Variants in DIAPH1 observed in about 807,000 individuals in gnomAD.
DIAPH1 encodes the protein diaphanous related formin 1, also known as protein diaphanous homolog 1.
In DIAPH1, 46 loss-of-function variants were observed where a neutral mutation model predicts 140.7. That is an observed-to-expected ratio of 0.33 (90% CI 0.26 to 0.42). DIAPH1 has a LOEUF of 0.42. DIAPH1 is among the 10% of genes least tolerant of loss of function. DIAPH1 has a pLI of 1.00. For missense variants in DIAPH1, 1,310 were observed against 1,558.7 expected, an observed-to-expected ratio of 0.84 and a Z score of 2.69; for synonymous variants, 565 against 551.6, an observed-to-expected ratio of 1.02 and a Z score of -0.34.
At chr5:141,523,198 C>A (rs953829899) in intron 27 of DIAPH1, among the ~76,000 whole-genome samples, 1 of 152,202 alleles carries the variant, frequency 6.6e-6, no homozygotes, top group Non-Finnish European at 1.5e-5. Flanking sequence ...CACAATGCAA[C>A]AGCCAGGAAA....
chr5:141,538,340 G>A (rs531396320), intron 18 of DIAPH1, among the ~76,000 whole-genome samples: 37 of 149,684 alleles, frequency 2.5e-4, no homozygotes, highest in African/African-American at 8.4e-4. Flanking sequence ...GATTACAGGC[G>A]TGAGCCACTT....
rs1291773837 is a variant in DIAPH1 at position 141,573,777 on chromosome 5, T to G, written c.2073A>C (p.Pro691=). 106 of 942,164 alleles carry G rather than the reference T, an allele frequency of 1.1e-4. No homozygotes were observed. The highest frequency in any genetic ancestry group is 5.0e-4 in the African/African-American group (14 of 27,924). 58.4% of individuals were successfully genotyped at this position (942,164 alleles called of 1,614,324 possible). Reference sequence around the variant, plus strand: ...TTCCAGCACTCCCAGGCAAAGGAGGTGGTGGTGGGGGGATTCTAGCACTCC... The same window carrying G: ...TTCCAGCACTCCCAGGCAAAGGAGGGGGTGGTGGGGGGATTCTAGCACTCC... The part of the protein sequence containing the change: ...LPGSARIPPP[P]PPLPGSAGIP... Residue 691 remains proline (P), a synonymous_variant, in exon 16 of 28, where the codon CCA becomes CCC. Coordinates refer to ENST00000389054, the MANE Select transcript of DIAPH1 (RefSeq NM_005219.5).
intron 3 of DIAPH1, among the ~76,000 whole-genome samples, chr5:141,585,744 T>C (rs1360570284): frequency 6.6e-6 from 1 of 152,048 alleles, no homozygotes; most frequent in African/African-American, 2.4e-5. Flanking sequence ...AGGTTGCAAG[T>C]CTTGCTCTGC....
chr5:141,582,059 C>CA (rs70991705), intron 7 of DIAPH1: 8,675 of 78,800 alleles, frequency 0.11, 1,146 homozygotes, highest in African/African-American at 0.26. Context: ...GACTCCATCT[C>CA]AAAAAAAAAA....
rs191644283 is a variant in DIAPH1 at position 141,573,349 on chromosome 5, G to A, written c.2358+143C>T. The stretch of plus-strand genomic sequence containing the variant: ...ACACGGGAGGCTGAGGCAGGAGAAT[G>A]GCGTGAACCCGGGAGGCGGAGCTTG... On this transcript the variant is annotated intron_variant, in intron 16 of 27. Transcript: ENST00000389054. 2.1e-3 allele frequency: 2,064 copies of A among 981,360 alleles called. 35 individuals carry two copies. The African/African-American group carries it at 0.03, about 14-fold the overall frequency. 60.8% of individuals were successfully genotyped at this position (981,360 alleles called of 1,614,324 possible).
At chr5:141,613,381 T>A (rs1035525569) in intron 1 of DIAPH1, among the ~76,000 whole-genome samples, 1 of 152,164 alleles carries the variant, frequency 6.6e-6, no homozygotes, top group Non-Finnish European at 1.5e-5. Context: ...TTTTATATAA[T>A]CTCTTTCTAC....
intron 1 of DIAPH1, among the ~76,000 whole-genome samples, chr5:141,612,464 C>A (rs1384480346): frequency 1.3e-5 from 2 of 152,180 alleles, no homozygotes; most frequent in African/African-American, 2.4e-5. Context: ...TGTAATAGTA[C>A]TCAGCAATAT....
intron 27 of DIAPH1, among the ~76,000 whole-genome samples, chr5:141,518,404 G>C (rs1433051355): frequency 6.6e-6 from 1 of 151,214 alleles, no homozygotes; most frequent in East Asian, 2.0e-4. Flanking sequence ...AGGACCAGAT[G>C]AAAGAGCCGA....
intron 15 of DIAPH1, 151 bp downstream of exon 15, chr5:141,574,816 A>C: frequency 1.2e-6 from 1 of 817,032 alleles, no homozygotes; most frequent in Non-Finnish European, 2.0e-6. Flanking sequence ...ACAAACCAAA[A>C]ACCAGTATAT....
intron 26 of DIAPH1, 85 bp from the exon 27 acceptor site, chr5:141,524,314 A>G (rs2099886974): frequency 7.8e-7 from 1 of 1,279,552 alleles, no homozygotes; most frequent in Non-Finnish European, 1.1e-6. Context: ...ATGAATGGCT[A>G]TTGCTTGATT....
At chr5:141,521,828 C>T (rs2099886588) in intron 27 of DIAPH1, among the ~76,000 whole-genome samples, 1 of 152,102 alleles carries the variant, frequency 6.6e-6, no homozygotes, top group African/African-American at 2.4e-5. Context: ...CCATCTAAGT[C>T]CAGCCTCTCT....
intron 1 of DIAPH1, among the ~76,000 whole-genome samples, chr5:141,611,851 G>T (rs2099901893): frequency 6.6e-6 from 1 of 152,210 alleles, no homozygotes; most frequent in African/African-American, 2.4e-5. Flanking sequence ...TGGATCACCT[G>T]AAGTTAGGAG....
At chr5:141,530,638 C>G (rs2099888073) in intron 19 of DIAPH1, among the ~76,000 whole-genome samples, 1 of 152,206 alleles carries the variant, frequency 6.6e-6, no homozygotes, top group South Asian at 2.1e-4. Context: ...TGCCCCACCA[C>G]TTCCCCATTT....
intron 18 of DIAPH1, among the ~76,000 whole-genome samples, chr5:141,566,813 T>G (rs573426996): frequency 6.6e-6 from 1 of 152,156 alleles, no homozygotes; most frequent in Non-Finnish European, 1.5e-5. Context: ...GAGAATTGCT[T>G]GTGACCAGGA....
chr5:141,554,034 T>C (rs553780885), intron 18 of DIAPH1, among the ~76,000 whole-genome samples: 23 of 152,254 alleles, frequency 1.5e-4, no homozygotes, highest in African/African-American at 4.8e-4. Context: ...ATCCCAGTAC[T>C]TTGGGAGGCT....
intron 8 of DIAPH1, among the ~76,000 whole-genome samples, chr5:141,579,942 C>T (rs749485114): frequency 2.8e-4 from 41 of 146,702 alleles, no homozygotes; most frequent in Admixed American, 7.5e-4. Context: ...AGCGAGCCTC[C>T]GTCTCAAAAA....
chr5:141,552,181 G>A (rs534479929), intron 18 of DIAPH1, among the ~76,000 whole-genome samples: 10 of 151,808 alleles, frequency 6.6e-5, no homozygotes, highest in Admixed American at 2.6e-4. Context: ...ATAATCACAA[G>A]TTGTTTTTGT....
At chr5:141,571,891 C>CA in intron 17 of DIAPH1, 35 bp downstream of exon 17, 1 of 1,439,484 alleles carries the variant, frequency 6.9e-7, no homozygotes, top group Non-Finnish European at 9.8e-7. Context: ...CTAAGCCCTA[C>CA]ACTGGACCTT....
Position 141,578,632 on chromosome 5 carries a change from TAAGAA to T in DIAPH1, c.934-12_934-8del. ...TCAGCTGTAGGCATCCAACCTAAAA[TAAGAA>T]AATTCAGCAGCTATGTCAATGCTAA... On this transcript the variant is annotated splice_polypyrimidine_tract_variant and splice_region_variant and intron_variant, in intron 9 of 27. Transcript: ENST00000389054. The T allele has an allele frequency of 6.2e-7, 1 of 1,610,460 alleles. No homozygotes were observed. The highest frequency in any genetic ancestry group is 2.2e-5 in the East Asian group (1 of 44,860).
Sources: gnomAD v4.1 joint callset for allele counts (sites outside exome capture counted in the v4.1 genomes callset) on GRCh38, gnomAD v4.1.1 for gene constraint, MANE v1.5 for transcripts, NCBI Gene and HGNC (gene_info 2026-07-23, HGNC 2026-07-21) for gene names.